The following CHST3 variants were observed in gnomAD, a reference collection of about 807,000 sequenced individuals.
The protein encoded by CHST3 is carbohydrate sulfotransferase 3.
A neutral mutation model predicts 35.4 loss-of-function variants in CHST3; 20 were observed. The observed-to-expected ratio is 0.57, with a 90% CI of 0.40 to 0.82. The LOEUF (loss-of-function observed/expected upper bound fraction) is 0.82, where lower values mean the gene tolerates loss of function less well. Ranked by LOEUF, CHST3 falls within the 40% of genes least tolerant of loss-of-function variation. CHST3 has a pLI of 0.00. For missense variants in CHST3, 693 were observed against 670.1 expected (o/e 1.03, Z -0.38); for synonymous variants, 334 against 295.9 (o/e 1.13, Z -1.32).
chr10:71,994,995 GT>G (rs1337846789), intron 1 of CHST3, among the ~76,000 whole-genome samples: 2 of 152,146 alleles, frequency 1.3e-5, no homozygotes, highest in African/African-American at 4.8e-5. Flanking sequence ...TCTGGTTTAG[GT>G]TTTGGCTTAA....
At position 72,007,863 on chromosome 10, in the gene CHST3, C is replaced by T. The variant is rs1342834475; in HGVS notation, c.832C>T (p.Arg278Trp). 1.0e-5 allele frequency: 16 copies of T among 1,600,744 alleles called. No homozygotes were observed. The highest frequency in any genetic ancestry group is 1.2e-5 in the Non-Finnish European group (14 of 1,175,764). ...CATGGCCCTCAAGGCGGTGCGCATC[C>T]GGCAGCTGGAGTTCCTGCAGCCGCT... Reference protein sequence around the residue: ...EHMALKAVRIRQLEFLQPLAE... With the variant: ...EHMALKAVRIWQLEFLQPLAE... Residue 278 changes from arginine (R) to tryptophan (W), a missense_variant, in exon 3 of 3, where the codon CGG becomes TGG. By Grantham distance (101) the Arg-to-Trp change is moderately radical. Transcript: ENST00000373115.
At chr10:71,992,059 C>G (rs74828109) in intron 1 of CHST3, among the ~76,000 whole-genome samples, 16,687 of 152,198 alleles carry the variant, frequency 0.11, 890 homozygotes, top group Admixed American at 0.16. Flanking sequence ...TCATCTGAGA[C>G]TTTAGCAAGC....
chr10:71,998,472 G>A (rs112622913), intron 1 of CHST3, among the ~76,000 whole-genome samples: 2,069 of 152,358 alleles, frequency 0.014, 58 homozygotes, highest in African/African-American at 0.046. Context: ...CAGTGAAGCC[G>A]GGAGGTGTAG....
intron 1 of CHST3, among the ~76,000 whole-genome samples, chr10:71,989,140 C>T (rs567880390): frequency 4.0e-5 from 6 of 151,594 alleles, no homozygotes; most frequent in Middle Eastern, 3.4e-3. Context: ...CCAGCCTGGG[C>T]GACAGAGCAA....
chr10:71,969,857 C>CAA (rs1839672438), intron 1 of CHST3, among the ~76,000 whole-genome samples: 1 of 152,188 alleles, frequency 6.6e-6, no homozygotes, highest in African/African-American at 2.4e-5. Flanking sequence ...AGTGGCGGCA[C>CAA]AGAGAGGGTC....
At chr10:71,987,687 C>T (rs1366557440) in intron 1 of CHST3, among the ~76,000 whole-genome samples, 5 of 131,788 alleles carry the variant, frequency 3.8e-5, no homozygotes, top group Non-Finnish European at 1.5e-5. Context: ...CTGCACTCCA[C>T]CCTGGGTAAC....
At chr10:71,987,012 C>A (rs888509996) in intron 1 of CHST3, among the ~76,000 whole-genome samples, 2 of 152,192 alleles carry the variant, frequency 1.3e-5, no homozygotes, top group African/African-American at 4.8e-5. Context: ...GAGCTGGGAC[C>A]CACTCCAAGT....
At chr10:72,003,391 T>C (rs1840010961) in intron 1 of CHST3, among the ~76,000 whole-genome samples, 1 of 152,164 alleles carries the variant, frequency 6.6e-6, no homozygotes, top group Non-Finnish European at 1.5e-5. Flanking sequence ...GAGGCAGGAC[T>C]ATTCCAGTTA....
At chr10:71,982,635 G>A (rs946092112) in intron 1 of CHST3, among the ~76,000 whole-genome samples, 3 of 152,036 alleles carry the variant, frequency 2.0e-5, no homozygotes, top group Non-Finnish European at 2.9e-5. Context: ...CATCTGCCCC[G>A]GCTATTCAGA....
chr10:72,003,051 C>G (rs1206260070), intron 1 of CHST3, among the ~76,000 whole-genome samples: 2 of 152,210 alleles, frequency 1.3e-5, no homozygotes, highest in Non-Finnish European at 2.9e-5. Flanking sequence ...GCTGGAGGAA[C>G]CTTAGGTCAG....
At chr10:71,969,826 G>C (rs1166580473) in intron 1 of CHST3, among the ~76,000 whole-genome samples, 1 of 152,174 alleles carries the variant, frequency 6.6e-6, no homozygotes, top group Non-Finnish European at 1.5e-5. Context: ...GGCCGTGAAT[G>C]CTTCTGCTGG....
intron 1 of CHST3, among the ~76,000 whole-genome samples, chr10:71,998,360 C>A (rs532321717): frequency 6.6e-6 from 1 of 152,146 alleles, no homozygotes; most frequent in South Asian, 2.1e-4. Context: ...ATGTCCAGGT[C>A]GGTTCTGAAT....
intron 1 of CHST3, among the ~76,000 whole-genome samples, chr10:71,982,809 A>G (rs1387470073): frequency 6.6e-6 from 1 of 152,236 alleles, no homozygotes; most frequent in Non-Finnish European, 1.5e-5. Flanking sequence ...AATGTGTTAC[A>G]ACAGCAGTAG....
intron 1 of CHST3, among the ~76,000 whole-genome samples, chr10:72,004,052 T>C (rs1840016111): frequency 6.6e-6 from 1 of 152,104 alleles, no homozygotes; most frequent in Admixed American, 6.5e-5. Flanking sequence ...GATGCATGCC[T>C]ATAATCCCAG....
intron 1 of CHST3, among the ~76,000 whole-genome samples, chr10:71,995,459 C>T (rs867162843): frequency 6.6e-6 from 1 of 151,722 alleles, no homozygotes; most frequent in Non-Finnish European, 1.5e-5. Context: ...CTTTCGCACT[C>T]ACAGCTTGGC....
chr10:72,008,341 C>A lies in CHST3; in HGVS notation c.1310C>A (p.Ala437Asp). Residue 437 changes from alanine (A) to aspartate (D), a missense_variant, in exon 3 of 3, where the codon GCC becomes GAC. Physicochemically the swap from Ala to Asp is moderately radical, Grantham distance 126. Coordinates refer to ENST00000373115, the MANE Select transcript of CHST3 (RefSeq NM_004273.5). Reference protein sequence around the residue: ...KWRFSMPFKLAQVVQAACGPA... With the variant: ...KWRFSMPFKLDQVVQAACGPA... ...CGCTTCAGCATGCCCTTCAAGCTGG[C>A]CCAGGTGGTGCAGGCCGCCTGCGGC... The A allele has an allele frequency of 6.4e-7, 1 of 1,571,872 alleles. No individual in the cohort carries two copies. Among genetic ancestry groups the A allele is most frequent in the African/African-American group, 1.3e-5 (1 of 74,126 alleles).
Position 72,008,207 on chromosome 10 carries a change from C to G in CHST3, c.1176C>G (p.Pro392=). 1 of 1,552,674 alleles carries G rather than the reference C, an allele frequency of 6.4e-7. No homozygotes were observed. The highest frequency in any genetic ancestry group is 8.7e-7 in the Non-Finnish European group (1 of 1,148,178). ...AGATGTACCGCTTCGCCGGCATCCCCCTGACCCCGCAGGTGGAAGACTGGA... is the reference window on the plus strand; with the variant it reads ...AGATGTACCGCTTCGCCGGCATCCCGCTGACCCCGCAGGTGGAAGACTGGA... The part of the protein sequence containing the change: ...AREMYRFAGI[P]LTPQVEDWIQ... Residue 392 remains proline, a synonymous_variant, in exon 3 of 3, where the codon CCC becomes CCG. Transcript: ENST00000373115.
intron 1 of CHST3, among the ~76,000 whole-genome samples, chr10:71,969,313 T>G (rs548026919): frequency 4.6e-5 from 7 of 152,300 alleles, no homozygotes; most frequent in Admixed American, 2.6e-4. Context: ...ATGCCCAAGG[T>G]CACGAAGCCA....
intron 1 of CHST3, among the ~76,000 whole-genome samples, chr10:72,000,175 C>T (rs557931867): frequency 1.1e-4 from 17 of 152,244 alleles, no homozygotes; most frequent in African/African-American, 3.6e-4. Context: ...CAACTTAGAA[C>T]GATTAAGCAT....
Sources: gnomAD v4.1 joint callset for allele counts (sites outside exome capture counted in the v4.1 genomes callset) on GRCh38, gnomAD v4.1.1 for gene constraint, MANE v1.5 for transcripts, NCBI Gene and HGNC (gene_info 2026-07-23, HGNC 2026-07-21) for gene names.